The following HS3ST4 variants were observed in gnomAD, a reference collection of about 807,000 sequenced individuals.
HS3ST4 encodes the protein heparan sulfate glucosamine 3-O-sulfotransferase 4.
A neutral mutation model predicts 29.2 loss-of-function variants in HS3ST4; 17 were observed. The observed-to-expected ratio is 0.58, with a 90% CI of 0.40 to 0.87. The LOEUF (loss-of-function observed/expected upper bound fraction) is 0.87. Ranked by LOEUF, HS3ST4 falls within the 40% of genes least tolerant of loss-of-function variation. The probability of loss-of-function intolerance (pLI) is 0.00; values close to 1 mark genes in which losing one functional copy is unlikely to be tolerated. For missense variants in HS3ST4, 627 were observed against 634.5 expected, an observed-to-expected ratio of 0.99 and a Z score of 0.13; for synonymous variants, 314 against 285.7, an observed-to-expected ratio of 1.10 and a Z score of -1.00.
chr16:25,705,671 AT>A (rs1332386192), intron 1 of HS3ST4, among the ~76,000 whole-genome samples: 1 of 152,186 alleles, frequency 6.6e-6, no homozygotes, highest in East Asian at 1.9e-4. Flanking sequence ...CCAAAAAAAA[AT>A]AAAAATAAAA....
intron 1 of HS3ST4, chr16:25,825,461 A>C (rs1967206089): frequency 6.6e-6 from 1 of 152,212 alleles, no homozygotes. Flanking sequence ...CAGGACATGC[A>C]AGCAGTTGAG....
chr16:25,717,756 G>A (rs1966466271), intron 1 of HS3ST4, among the ~76,000 whole-genome samples: 1 of 152,050 alleles, frequency 6.6e-6, no homozygotes, highest in Non-Finnish European at 1.5e-5. Flanking sequence ...TAGGAAAGAT[G>A]GAGAACTGTT....
chr16:25,991,780 G>C (rs531552454), intron 1 of HS3ST4, among the ~76,000 whole-genome samples: 33 of 152,212 alleles, frequency 2.2e-4, no homozygotes, highest in Non-Finnish European at 4.1e-4. Flanking sequence ...CCAGCACTTT[G>C]GGAGGCTGGG....
At chr16:26,045,889 A>G (rs536863144) in intron 1 of HS3ST4, among the ~76,000 whole-genome samples, 11 of 152,288 alleles carry the variant, frequency 7.2e-5, no homozygotes, top group Non-Finnish European at 1.3e-4. Flanking sequence ...TCTCTACACA[A>G]TCTAGCTTAC....
chr16:25,822,606 T>C (rs1455145848), intron 1 of HS3ST4, among the ~76,000 whole-genome samples: 40 of 152,184 alleles, frequency 2.6e-4, no homozygotes, highest in Admixed American at 2.6e-3. Flanking sequence ...GGTTGCCCTC[T>C]GCTGAGGACC....
At chr16:25,748,863 C>T (rs1215328352) in intron 1 of HS3ST4, among the ~76,000 whole-genome samples, 1 of 152,098 alleles carries the variant, frequency 6.6e-6, no homozygotes, top group Non-Finnish European at 1.5e-5. Flanking sequence ...AGAATAAAAA[C>T]AGGATTAAAG....
At chr16:26,089,956 G>A (rs2141788589) in intron 1 of HS3ST4, among the ~76,000 whole-genome samples, 1 of 152,130 alleles carries the variant, frequency 6.6e-6, no homozygotes, top group South Asian at 2.1e-4. Context: ...GAAAACAGTT[G>A]ACCTGACACC....
chr16:26,123,664 C>G (rs1899305093), intron 1 of HS3ST4, among the ~76,000 whole-genome samples: 1 of 152,114 alleles, frequency 6.6e-6, no homozygotes. Flanking sequence ...TCCCTCACTC[C>G]CCTGTCCAAG....
chr16:26,129,896 CTAT>C (rs1400988781), intron 1 of HS3ST4, among the ~76,000 whole-genome samples: 1 of 152,136 alleles, frequency 6.6e-6, no homozygotes. Context: ...TGCATGTTAA[CTAT>C]TGTTATTGTT....
intron 1 of HS3ST4, among the ~76,000 whole-genome samples, chr16:25,878,153 G>A (rs544260096): frequency 6.6e-6 from 1 of 152,266 alleles, no homozygotes; most frequent in East Asian, 1.9e-4. Flanking sequence ...ACCAATTTCA[G>A]TTTCTTCATT....
intron 1 of HS3ST4, among the ~76,000 whole-genome samples, chr16:25,837,578 A>G (rs951299958): frequency 5.3e-5 from 8 of 152,092 alleles, no homozygotes; most frequent in African/African-American, 1.9e-4. Flanking sequence ...ATGGCTATCT[A>G]TTTGATGGGA....
At chr16:26,116,604 A>G (rs1190553402) in intron 1 of HS3ST4, among the ~76,000 whole-genome samples, 1 of 152,226 alleles carries the variant, frequency 6.6e-6, no homozygotes, top group East Asian at 1.9e-4. Flanking sequence ...CATATGTAGC[A>G]TCTGATAATG....
intron 1 of HS3ST4, among the ~76,000 whole-genome samples, chr16:26,107,969 A>G (rs1291161171): frequency 1.3e-5 from 2 of 152,256 alleles, no homozygotes; most frequent in Admixed American, 6.5e-5. Context: ...AAATCTCCGC[A>G]CTGTGGAAAA....
intron 1 of HS3ST4, among the ~76,000 whole-genome samples, chr16:25,768,442 A>G (rs1966835147): frequency 6.6e-6 from 1 of 152,100 alleles, no homozygotes; most frequent in Non-Finnish European, 1.5e-5. Context: ...GTGAACAGAC[A>G]CACAGATGAG....
At chr16:26,058,878 G>A (rs73516329) in intron 1 of HS3ST4, among the ~76,000 whole-genome samples, 171 of 152,194 alleles carry the variant, frequency 1.1e-3, no homozygotes, top group African/African-American at 4.1e-3. Flanking sequence ...GTGTCCTGAC[G>A]ATCAGTTCAA....
intron 1 of HS3ST4, among the ~76,000 whole-genome samples, chr16:25,897,538 G>T (rs1968079805): frequency 6.6e-6 from 1 of 152,196 alleles, no homozygotes; most frequent in Non-Finnish European, 1.5e-5. Context: ...TCCCAGAGGG[G>T]ATCCTTTGCT....
chr16:26,109,791 A>T (rs951716446), intron 1 of HS3ST4, among the ~76,000 whole-genome samples: 5 of 152,048 alleles, frequency 3.3e-5, no homozygotes, highest in African/African-American at 1.2e-4. Flanking sequence ...ACAAATAAAA[A>T]TTACATATGC....
chr16:25,750,893 C>G (rs550449236), intron 1 of HS3ST4, among the ~76,000 whole-genome samples: 18 of 152,144 alleles, frequency 1.2e-4, no homozygotes, highest in Non-Finnish European at 2.5e-4. Flanking sequence ...AAACAGTTCC[C>G]TCCGCAGCAT....
At chr16:26,048,476 G>T (rs1022226321) in intron 1 of HS3ST4, among the ~76,000 whole-genome samples, 3 of 152,188 alleles carry the variant, frequency 2.0e-5, no homozygotes, top group African/African-American at 4.8e-5. Flanking sequence ...GTGTGTGGTT[G>T]TATGTGTGAC....
Sources: allele counts gnomAD v4.1 joint callset (sites outside exome capture counted in the v4.1 genomes callset), GRCh38; gene constraint gnomAD v4.1.1; transcripts MANE v1.5; gene names NCBI Gene and HGNC (gene_info 2026-07-23, HGNC 2026-07-21).